Variants in SLC6A19 observed in about 807,000 individuals in gnomAD.
SLC6A19 encodes solute carrier family 6 member 19.
Under a neutral mutation model 68.3 loss-of-function variants are expected in SLC6A19, and 67 were observed. That is an observed-to-expected ratio of 0.98 (90% confidence interval 0.81 to 1.20). The LOEUF (loss-of-function observed/expected upper bound fraction) is 1.20. Among genes scored for constraint, SLC6A19 ranks in the 50% most tolerant of loss-of-function variants. The probability of loss-of-function intolerance (pLI) is 0.00; values close to 1 mark genes in which losing one functional copy is unlikely to be tolerated. For synonymous variants in SLC6A19, 392 were observed against 374.9 expected (o/e 1.05, Z -0.53); for missense variants, 813 against 851.6 (o/e 0.95, Z 0.56).
intron 1 of SLC6A19, among the ~76,000 whole-genome samples, chr5:1,206,591 G>A (rs2126494635): frequency 6.6e-6 from 1 of 152,290 alleles, no homozygotes; most frequent in East Asian, 1.9e-4. Flanking sequence ...TTTGGTGGGA[G>A]AAGGACAAAT....
chr5:1,218,967 C>T lies in SLC6A19; in HGVS notation c.1238C>T (p.Ser413Phe). Residue 413 changes from serine to phenylalanine, a missense_variant, in exon 9 of 12, where the codon TCC (serine) becomes TTC (phenylalanine). Coordinates refer to ENST00000304460, the MANE Select transcript of SLC6A19 (RefSeq NM_001003841.3). The part of the protein sequence containing the change: ...FTEAITKMPL[S>F]PLWSVLFFIM... ...GAGGCCATCACCAAGATGCCGTTGT[C>T]CCCACTGTGGTCTGTGCTCTTCTTC... 1 of 1,614,084 alleles carries T rather than the reference C, an allele frequency of 6.2e-7. No homozygotes were observed. Among genetic ancestry groups the T allele is most frequent in the Non-Finnish European group, 8.5e-7 (1 of 1,180,024 alleles).
chr5:1,217,822 G>A (rs116262750), intron 8 of SLC6A19, among the ~76,000 whole-genome samples: 1,664 of 152,284 alleles, frequency 0.011, 21 homozygotes, highest in Non-Finnish European at 0.018. Flanking sequence ...GTCCACGCCC[G>A]CAAGCTTTCC....
chr5:1,211,092 G>C (rs1746015503), intron 3 of SLC6A19, among the ~76,000 whole-genome samples: 1 of 152,224 alleles, frequency 6.6e-6, no homozygotes, highest in Non-Finnish European at 1.5e-5. Flanking sequence ...TTCACACGTG[G>C]TCCTGGGGCC....
intron 5 of SLC6A19, 22 bp from the exon 6 acceptor site, chr5:1,213,931 T>C: frequency 1.9e-6 from 3 of 1,612,038 alleles, no homozygotes; most frequent in African/African-American, 1.3e-5. Context: ...CATGAGTGGC[T>C]GAGGGTCTCC....
Position 1,201,623 on chromosome 5 carries a change from C to G in SLC6A19, c.-28C>G, listed in dbSNP as rs764931758. ...CGCCCTCCAGCTTCTGCCCTGCCTGCTGTGTGCGGAGCCGTCCAGCGACCA... is the reference window on the plus strand; with the variant it reads ...CGCCCTCCAGCTTCTGCCCTGCCTGGTGTGTGCGGAGCCGTCCAGCGACCA... On this transcript the variant is annotated 5_prime_UTR_variant, in exon 1 of 12. Coordinates refer to ENST00000304460, the MANE Select transcript of SLC6A19 (RefSeq NM_001003841.3). 2 of 1,594,554 alleles carry G rather than the reference C, an allele frequency of 1.3e-6. No homozygotes were observed. Among genetic ancestry groups the G allele is most frequent in the East Asian group, 4.5e-5 (2 of 44,534 alleles).
Position 1,214,172 on chromosome 5 carries a change from C to T in SLC6A19, c.887+107C>T, listed in dbSNP as rs903623562. The T allele has an allele frequency of 2.1e-5, 33 of 1,557,836 alleles. No individual in the cohort carries two copies. The highest frequency in any genetic ancestry group is 2.8e-5 in the Non-Finnish European group (32 of 1,152,648). On this transcript the variant is annotated intron_variant, in intron 6 of 11. Transcript: ENST00000304460. This position sits in a 1 kb window ranked among gnomAD's most constrained non-coding sequence, Gnocchi z 7.4. ...GCACTCTGTGGCTGTGTGGCCGGGGCCTTGCTGCCCCGATGGGCCCGTTCC... is the reference window on the plus strand; with the variant it reads ...GCACTCTGTGGCTGTGTGGCCGGGGTCTTGCTGCCCCGATGGGCCCGTTCC...
At chr5:1,207,664 T>C (rs1745894296) in intron 1 of SLC6A19, among the ~76,000 whole-genome samples, 1 of 152,200 alleles carries the variant, frequency 6.6e-6, no homozygotes, top group Admixed American at 6.5e-5. Context: ...CCCTATCTTC[T>C]ATCTATTTCA....
rs905741990 is a variant in SLC6A19 at position 1,219,577 on chromosome 5, T to A, written c.1451T>A (p.Leu484Gln). ...AACTCCGGCCAGTACTGGCTCTCCC[T>A]GCTGGACAGCTATGCCGGCTCCATT... ...TLNSGQYWLS[L>Q]LDSYAGSIPL... Residue 484 changes from leucine (L) to glutamine (Q), a missense_variant, in exon 10 of 12, where the codon CTG becomes CAG. Coordinates refer to ENST00000304460, the MANE Select transcript of SLC6A19 (RefSeq NM_001003841.3). 7.4e-6 allele frequency: 12 copies of A among 1,612,160 alleles called. No homozygotes were observed. The highest frequency in any genetic ancestry group is 1.0e-5 in the Non-Finnish European group (12 of 1,180,034).
chr5:1,217,039 G>A lies in SLC6A19; in HGVS notation c.1173+94G>A, dbSNP rs952485333. On this transcript the variant is annotated intron_variant, in intron 8 of 11. Transcript: ENST00000304460. ...CCTGGGCCCCTGGCCTGTGGAGGAC[G>A]CAGATGCTGAGCTTCAGCCGGGAGG... The A allele has an allele frequency of 4.5e-5, 71 of 1,585,408 alleles. 1 individual carries two copies. Among genetic ancestry groups the A allele is most frequent in the Admixed American group, 1.0e-4 (6 of 59,506 alleles).
chr5:1,209,188 G>A lies in SLC6A19; in HGVS notation c.343+302G>A, dbSNP rs921987959. 2.0e-5 allele frequency among the ~76,000 whole-genome samples: 3 copies of A among 151,862 alleles called. No individual in the cohort carries two copies. The highest frequency in any genetic ancestry group is 7.3e-5 in the African/African-American group (3 of 41,330). On this transcript the variant is annotated intron_variant, in intron 2 of 11. Transcript: ENST00000304460. This position sits in a 1 kb window ranked among gnomAD's most constrained non-coding sequence, Gnocchi z 5.5. ...CCACTCAAGCCCTGCCCATGGCGGC[G>A]CTCAGCGAGAGCCCAGGGCCCAGGA... is the stretch of plus-strand genomic sequence containing the variant.
chr5:1,203,716 G>C (rs1209744162), intron 1 of SLC6A19, among the ~76,000 whole-genome samples: 2 of 152,360 alleles, frequency 1.3e-5, no homozygotes. Flanking sequence ...GTCATGCTGT[G>C]GGGGCTGACC....
chr5:1,218,790 T>A (rs1242234113), intron 8 of SLC6A19, 113 bp from the exon 9 acceptor site: 5 of 1,092,376 alleles, frequency 4.6e-6, no homozygotes, highest in Non-Finnish European at 6.8e-6. Context: ...TCATGACAGC[T>A]CAGACCTGCC....
rs1263518699 is a variant in SLC6A19 at position 1,224,284 on chromosome 5, T to C, written c.*2380T>C. On this transcript the variant is annotated 3_prime_UTR_variant, in exon 12 of 12. Coordinates refer to ENST00000304460, the MANE Select transcript of SLC6A19 (RefSeq NM_001003841.3). ...CATCTACATCTCCTGATTCATGCGT[T>C]GTTTCATAGGTTTCAATGTCTCTGT... 3 of 152,272 alleles carry C rather than the reference T, an allele frequency of 2.0e-5. No homozygotes were observed. Among genetic ancestry groups the C allele is most frequent in the Admixed American group, 6.5e-5 (1 of 15,288 alleles). 9.4% of individuals were successfully genotyped at this position (152,272 alleles called of 1,614,324 possible).
At chr5:1,216,360 G>A (rs139300325) in intron 6 of SLC6A19, among the ~76,000 whole-genome samples, 198 bp from the exon 7 acceptor site, 2 of 152,324 alleles carry the variant, frequency 1.3e-5, no homozygotes, top group African/African-American at 4.8e-5. Context: ...GGGACCAGGT[G>A]CTGCCCTGGG....
rs1393429058 is a variant in SLC6A19 at position 1,210,598 on chromosome 5, A to G, written c.481+17A>G. The G allele has an allele frequency of 6.2e-7, 1 of 1,611,692 alleles. No homozygotes were observed. The highest frequency in any genetic ancestry group is 8.5e-7 in the Non-Finnish European group (1 of 1,179,992). ...ACCAGACAGGTGAGTCCTTGCAAGC[A>G]GCCCCATCCGTCTCACCTGTGAGGC... is the stretch of plus-strand genomic sequence containing the variant. On this transcript the variant is annotated intron_variant, in intron 3 of 11. Transcript: ENST00000304460.
chr5:1,216,476 G>C (rs958559035), intron 6 of SLC6A19, 82 bp from the exon 7 acceptor site: 2 of 1,602,608 alleles, frequency 1.2e-6, no homozygotes, highest in Non-Finnish European at 1.7e-6. Flanking sequence ...TGGCGCTCTG[G>C]GCGGGATGCG....
rs116125130 is a variant in SLC6A19, at chr5:1,222,625, G to C, written c.*721G>C. The C allele has an allele frequency of 2.3e-3, 634 of 276,152 alleles. 5 individuals are homozygous for C. Among genetic ancestry groups the C allele is most frequent in the African/African-American group, 0.013 (594 of 45,786 alleles). 17.1% of individuals were successfully genotyped at this position (276,152 alleles called of 1,614,324 possible). A position where few individuals can be genotyped will look rare whatever the true frequency, so the allele number is the denominator to read the frequency against. On this transcript the variant is annotated 3_prime_UTR_variant, in exon 12 of 12. Transcript: ENST00000304460. ...CTCGTGTGTGTGCATATTCAGGCAG[G>C]TGTGCATTTGTGCATGCCAGTGTGT...
intron 1 of SLC6A19, among the ~76,000 whole-genome samples, chr5:1,204,281 G>A (rs1464220912): frequency 6.6e-6 from 1 of 152,224 alleles, no homozygotes; most frequent in Non-Finnish European, 1.5e-5. Flanking sequence ...CCTGTGCCAG[G>A]TGGGCAGGCT....
Position 1,222,562 on chromosome 5 carries a change from GTGTC to G in SLC6A19, c.*662_*665del. On this transcript the variant is annotated 3_prime_UTR_variant, in exon 12 of 12. Coordinates refer to ENST00000304460, the MANE Select transcript of SLC6A19 (RefSeq NM_001003841.3). ...GTATACGTGTGTTGTGTATATGTGT[GTGTC>G]TGTACCTGTTTGTGTATATGTGTGT... 1 of 368,372 alleles carries G rather than the reference GTGTC, an allele frequency of 2.7e-6. No homozygotes were observed. Among genetic ancestry groups the G allele is most frequent in the Non-Finnish European group, 4.9e-6 (1 of 204,808 alleles). The allele number at this position is 368,372 out of a possible 1,614,324, so 22.8% of individuals were successfully genotyped here.
Sources: allele counts gnomAD v4.1 joint callset (sites outside exome capture counted in the v4.1 genomes callset), GRCh38; gene constraint gnomAD v4.1.1; non-coding constraint Gnocchi (gnomAD v3.1); transcripts MANE v1.5; gene names NCBI Gene and HGNC (gene_info 2026-07-23, HGNC 2026-07-21).